The following RSAD2 variants were observed in gnomAD, a reference collection of about 807,000 sequenced individuals.
RSAD2 encodes the protein radical S-adenosyl methionine domain containing 2, also known as S-adenosylmethionine-dependent nucleotide dehydratase RSAD2.
Under a neutral mutation model 37.7 loss-of-function variants are expected in RSAD2, and 38 were observed. That is an observed-to-expected ratio of 1.01 (90% CI 0.78 to 1.32). The LOEUF is 1.32. Ranked by LOEUF, RSAD2 falls within the 40% of genes most tolerant of loss-of-function variation. The probability of loss-of-function intolerance (pLI) is 0.00; values close to 1 mark genes in which losing one functional copy is unlikely to be tolerated. For synonymous variants in RSAD2, 163 were observed against 157.4 expected, an observed-to-expected ratio of 1.04 and a Z score of -0.27; for missense variants, 428 against 437.5, an observed-to-expected ratio of 0.98 and a Z score of 0.19.
chr2:6,892,063 C>G (rs1663646139), intron 4 of RSAD2, among the ~76,000 whole-genome samples: 1 of 152,074 alleles, frequency 6.6e-6, no homozygotes, highest in Non-Finnish European at 1.5e-5. Context: ...TTTTATTCAC[C>G]TTTATAACTT....
chr2:6,874,259 C>T (rs1337701266), upstream of RSAD2, among the ~76,000 whole-genome samples: 5 of 152,130 alleles, frequency 3.3e-5, no homozygotes, highest in Non-Finnish European at 5.9e-5. Context: ...CATGATGCTT[C>T]CTGTACAGCC....
Position 6,883,376 on chromosome 2 carries a change from GAGA to G in RSAD2, c.356_358del (p.Lys119del), listed in dbSNP as rs754302681. ...TCATGTATCACCTTGCACAGGTATG[GAGA>G]AGATCAACTTTTCAGGTGGAGAGCC... is the stretch of plus-strand genomic sequence containing the variant. On this transcript the variant is annotated inframe_deletion, in exon 2 of 6. Coordinates refer to ENST00000382040, the MANE Select transcript of RSAD2 (RefSeq NM_080657.5). 2 of 1,614,168 alleles carry G rather than the reference GAGA, an allele frequency of 1.2e-6. No homozygotes were observed. The highest frequency in any genetic ancestry group is 1.1e-5 in the South Asian group (1 of 91,080).
chr2:6,882,229 G>A (rs1663419543), intron 1 of RSAD2, among the ~76,000 whole-genome samples: 1 of 152,070 alleles, frequency 6.6e-6, no homozygotes, highest in Admixed American at 6.5e-5. Flanking sequence ...AGAAGAGGCA[G>A]ACACCAAAAC....
chr2:6,891,553 G>A (rs1001081659), intron 4 of RSAD2, among the ~76,000 whole-genome samples: 1 of 152,130 alleles, frequency 6.6e-6, no homozygotes, highest in African/African-American at 2.4e-5. Context: ...GGATCACGAG[G>A]TCAGGAAATC....
At chr2:6,889,847 A>G (rs924984674) in intron 3 of RSAD2, among the ~76,000 whole-genome samples, 1 of 152,248 alleles carries the variant, frequency 6.6e-6, no homozygotes, top group Non-Finnish European at 1.5e-5. Context: ...TTATGGGATT[A>G]CACATGATTT....
chr2:6,892,777 C>G (rs1401158756), intron 4 of RSAD2, among the ~76,000 whole-genome samples: 1 of 152,224 alleles, frequency 6.6e-6, no homozygotes, highest in Non-Finnish European at 1.5e-5. Context: ...CATTCAATAG[C>G]AGGTCTGCTC....
intron 1 of RSAD2, among the ~76,000 whole-genome samples, chr2:6,869,505 A>T (rs1333633958): frequency 6.6e-6 from 1 of 152,204 alleles, no homozygotes; most frequent in Non-Finnish European, 1.5e-5. Flanking sequence ...CCCATGAAGG[A>T]GTGAAAGGGA....
intron 2 of RSAD2, 141 bp from the exon 3 acceptor site, chr2:6,886,794 T>C: frequency 1.6e-6 from 1 of 608,654 alleles, no homozygotes; most frequent in East Asian, 2.8e-5. Flanking sequence ...GTAAAATTCA[T>C]ATCTCAATGA....
chr2:6,871,350 G>T (rs1251824771), intron 1 of RSAD2, among the ~76,000 whole-genome samples: 1 of 152,162 alleles, frequency 6.6e-6, no homozygotes, highest in Non-Finnish European at 1.5e-5. Context: ...GTTATTTTAA[G>T]AAAAGGTTCT....
intron 1 of RSAD2, among the ~76,000 whole-genome samples, chr2:6,880,990 A>G (rs77109082): frequency 0.017 from 2,536 of 152,218 alleles, 62 homozygotes; most frequent in African/African-American, 0.058. Flanking sequence ...ATGATCACTC[A>G]TGTATGTTAA....
chr2:6,887,063 G>T lies in RSAD2; in HGVS notation c.637G>T (p.Asp213Tyr). 1 of 1,614,186 alleles carries T rather than the reference G, an allele frequency of 6.2e-7. No individual in the cohort carries two copies. Among genetic ancestry groups the T allele is most frequent in the Non-Finnish European group, 8.5e-7 (1 of 1,180,014 alleles). The change falls in exon 3 of 6, where the codon GAT becomes TAT. Residue 213 changes from aspartate (D) to tyrosine (Y), a missense_variant. Physicochemically the swap from Asp to Tyr is radical, Grantham distance 160. Transcript: ENST00000382040. ...TCAAAAGCTGAGGAGGTGGTGTAGG[G>T]ATTATAGAGTCGCTTTCAAGATAAA... ...NLQKLRRWCRDYRVAFKINSV... is the reference protein window; with the variant it reads ...NLQKLRRWCRYYRVAFKINSV...
intron 1 of RSAD2, chr2:6,866,054 G>C (rs540610229): frequency 3.3e-6 from 1 of 306,930 alleles, no homozygotes; most frequent in South Asian, 4.5e-5. Flanking sequence ...AGGTAGCTCC[G>C]TGTGCGTTCT....
chr2:6,895,049 T>C (rs1051522076), intron 5 of RSAD2, among the ~76,000 whole-genome samples: 17 of 152,260 alleles, frequency 1.1e-4, no homozygotes, highest in Non-Finnish European at 2.9e-5. Context: ...TAAGTATTAC[T>C]TGAGCTCCTA....
intron 4 of RSAD2, 70 bp downstream of exon 4, chr2:6,890,395 C>A: frequency 6.7e-7 from 1 of 1,502,930 alleles, no homozygotes; most frequent in South Asian, 1.2e-5. Context: ...GGAAGTCTCT[C>A]AGCCAAGGAC....
At chr2:6,877,565 G>T, upstream of RSAD2, 1 of 546,336 alleles carries the variant, frequency 1.8e-6, no homozygotes, top group Non-Finnish European at 3.3e-6. Flanking sequence ...GACTGAGGCA[G>T]CCGTGAGCAG....
chr2:6,873,768 T>C (rs533287946), upstream of RSAD2, among the ~76,000 whole-genome samples: 3 of 152,318 alleles, frequency 2.0e-5, no homozygotes, highest in Non-Finnish European at 2.9e-5. Context: ...GCCTTTTTGA[T>C]CTTGAAGAGA....
Position 6,878,088 on chromosome 2 carries a change from A to T in RSAD2, c.288A>T (p.Thr96=), listed in dbSNP as rs1663322650. ...GCTTCTGTTTCCACACAGCCAAAAC[A>T]TCCTTTGTGCTGCCCCTTGAGGAAG... The part of the protein sequence containing the change: ...KCGFCFHTAK[T]SFVLPLEEAK... The change falls in exon 1 of 6, where the codon ACA becomes ACT. Residue 96 remains threonine (T), a synonymous_variant. Transcript: ENST00000382040. 2 of 1,614,066 alleles carry T rather than the reference A, an allele frequency of 1.2e-6. No individual in the cohort carries two copies. The highest frequency in any genetic ancestry group is 1.7e-6 in the Non-Finnish European group (2 of 1,180,002).
chr2:6,892,709 C>A (rs917272311), intron 4 of RSAD2, among the ~76,000 whole-genome samples: 1 of 152,164 alleles, frequency 6.6e-6, no homozygotes, highest in Admixed American at 6.5e-5. Flanking sequence ...GTTGGCCCAC[C>A]ACTCTGCACC....
upstream of RSAD2, among the ~76,000 whole-genome samples, chr2:6,873,486 C>T (rs1208827428): frequency 1.3e-5 from 2 of 152,154 alleles, no homozygotes; most frequent in Non-Finnish European, 2.9e-5. Flanking sequence ...TCCCCTTTAC[C>T]TATTAGGTAA....
Sources: allele counts gnomAD v4.1 joint callset (sites outside exome capture counted in the v4.1 genomes callset), GRCh38; gene constraint gnomAD v4.1.1; transcripts MANE v1.5; gene names NCBI Gene and HGNC (gene_info 2026-07-23, HGNC 2026-07-21).